Variants in PRKG1 observed in about 807,000 individuals in gnomAD.
The protein encoded by PRKG1 is protein kinase cGMP-dependent 1.
A neutral mutation model predicts 88.1 loss-of-function variants in PRKG1; 35 were observed. The ratio of observed to expected loss-of-function variants is 0.40; its 90% CI spans 0.30 to 0.53. The LOEUF (loss-of-function observed/expected upper bound fraction) is 0.53, where lower values mean the gene tolerates loss of function less well. Among genes scored for constraint, PRKG1 ranks in the 20% least tolerant of loss-of-function variants. The probability of loss-of-function intolerance (pLI) is 0.59; values close to 1 mark genes in which losing one functional copy is unlikely to be tolerated. For synonymous variants in PRKG1, 303 were observed against 292.5 expected (o/e 1.04, Z -0.37); for missense variants, 540 against 839.8 (o/e 0.64, Z 4.41).
At chr10:51,427,386 T>C (rs1398555216) in intron 2 of PRKG1, among the ~76,000 whole-genome samples, 1 of 152,190 alleles carries the variant, frequency 6.6e-6, no homozygotes, top group Admixed American at 6.5e-5. Context: ...AGTTCCAAGG[T>C]GAGTTCTTAC....
At chr10:51,366,860 C>T (rs1842600492) in intron 2 of PRKG1, among the ~76,000 whole-genome samples, 1 of 151,872 alleles carries the variant, frequency 6.6e-6, no homozygotes, top group East Asian at 1.9e-4. Context: ...TTTTTCTAAG[C>T]CTTGTTGTTT....
At chr10:51,695,988 C>G (rs548221591) in intron 3 of PRKG1, 1 of 152,230 alleles carries the variant, frequency 6.6e-6, no homozygotes, top group African/African-American at 2.4e-5. Context: ...TTCACATCCT[C>G]AAGGCTTTAT....
chr10:51,170,605 A>C (rs1291850844), intron 2 of PRKG1, among the ~76,000 whole-genome samples: 1 of 152,002 alleles, frequency 6.6e-6, no homozygotes, highest in Non-Finnish European at 1.5e-5. Context: ...GAGCAGAGAC[A>C]TGAATGAGGT....
chr10:51,579,690 T>C (rs1837981076), intron 3 of PRKG1, among the ~76,000 whole-genome samples: 1 of 152,146 alleles, frequency 6.6e-6, no homozygotes, highest in African/African-American at 2.4e-5. Flanking sequence ...GACTGGCTAT[T>C]GTTAACTACT....
intron 6 of PRKG1, among the ~76,000 whole-genome samples, chr10:52,055,637 C>T (rs540975043): frequency 6.6e-6 from 1 of 151,976 alleles, no homozygotes; most frequent in Non-Finnish European, 1.5e-5. Context: ...TATATGATAA[C>T]CTATGATTTA....
Position 51,199,751 on chromosome 10 carries a change from C to A in PRKG1, c.478+46421C>A, listed in dbSNP as rs572327905. ...CTCATCTCAAGGCAGCCTCCTTTGC[C>A]AGCTCTCTTCTTTCAGGTATTGGTA... is the stretch of plus-strand genomic sequence containing the variant. On this transcript the variant is annotated intron_variant, in intron 2 of 17. Coordinates refer to ENST00000373980, the MANE Select transcript of PRKG1 (RefSeq NM_006258.4). 2.0e-5 allele frequency among the ~76,000 whole-genome samples: 3 copies of A among 152,324 alleles called. No individual in the cohort carries two copies. The East Asian group carries it at 5.8e-4, about 29-fold the overall frequency.
chr10:51,643,501 C>T (rs1039876718), intron 3 of PRKG1, among the ~76,000 whole-genome samples: 5 of 152,250 alleles, frequency 3.3e-5, no homozygotes, highest in Middle Eastern at 6.8e-3. Flanking sequence ...TAATAAAGCT[C>T]TTATACATTG....
chr10:52,240,309 G>T (rs1840826009), intron 9 of PRKG1, among the ~76,000 whole-genome samples: 1 of 151,974 alleles, frequency 6.6e-6, no homozygotes, highest in African/African-American at 2.4e-5. Flanking sequence ...CTAATCATGA[G>T]AAAAACATCA....
At chr10:51,233,327 A>G (rs1838895953) in intron 2 of PRKG1, among the ~76,000 whole-genome samples, 2 of 152,168 alleles carry the variant, frequency 1.3e-5, no homozygotes, top group African/African-American at 4.8e-5. Flanking sequence ...ACCCCATTTT[A>G]CAATATAATC....
At chr10:51,698,074 G>A (rs772286622) in intron 3 of PRKG1, 93 of 1,613,948 alleles carry the variant, frequency 5.8e-5, no homozygotes, top group Non-Finnish European at 7.6e-5. Flanking sequence ...GGACCTGTCT[G>A]GGTCCCTGAG....
intron 7 of PRKG1, among the ~76,000 whole-genome samples, chr10:52,082,209 C>G (rs1040911705): frequency 1.3e-5 from 2 of 152,068 alleles, no homozygotes; most frequent in Admixed American, 1.3e-4. Context: ...GTAACCACCC[C>G]CATGATTAAA....
intron 3 of PRKG1, among the ~76,000 whole-genome samples, chr10:51,645,414 C>T (rs899245294): frequency 1.3e-5 from 2 of 152,092 alleles, no homozygotes; most frequent in African/African-American, 4.8e-5. Context: ...AATAAATAAG[C>T]AATCTTTTGA....
At chr10:51,514,224 T>A (rs527337561) in intron 3 of PRKG1, among the ~76,000 whole-genome samples, 1 of 151,608 alleles carries the variant, frequency 6.6e-6, no homozygotes, top group African/African-American at 2.4e-5. Flanking sequence ...AACACCTCTA[T>A]GCAAATAAAC....
chr10:51,937,184 T>C, intron 5 of PRKG1, among the ~76,000 whole-genome samples: 1 of 152,000 alleles, frequency 6.6e-6, no homozygotes, highest in East Asian at 1.9e-4. Flanking sequence ...GACCACTTCA[T>C]AGGACTTGAT....
At chr10:51,663,702 CAA>C (rs56804341) in intron 3 of PRKG1, among the ~76,000 whole-genome samples, 979 of 72,760 alleles carry the variant, frequency 0.013, 3 homozygotes, top group Middle Eastern at 0.038. Context: ...GACCCTGTCT[CAA>C]AAAAAAAAAA....
intron 2 of PRKG1, among the ~76,000 whole-genome samples, chr10:51,455,285 A>C (rs992246141): frequency 2.0e-5 from 3 of 152,148 alleles, no homozygotes; most frequent in Non-Finnish European, 4.4e-5. Flanking sequence ...TTTTTTCCTC[A>C]TGGGCCTCCA....
chr10:51,564,187 G>A (rs1447275537), intron 3 of PRKG1, among the ~76,000 whole-genome samples: 1 of 151,468 alleles, frequency 6.6e-6, no homozygotes, highest in Non-Finnish European at 1.5e-5. Context: ...ATGTACTAAG[G>A]AGACAGTAAT....
intron 1 of PRKG1, among the ~76,000 whole-genome samples, chr10:51,093,811 C>G (rs887068187): frequency 1.2e-4 from 18 of 147,808 alleles, no homozygotes; most frequent in African/African-American, 2.0e-4. Flanking sequence ...TACACACACA[C>G]ACACACACAC....
chr10:52,056,290 T>A (rs950612890), intron 6 of PRKG1, among the ~76,000 whole-genome samples: 1 of 152,214 alleles, frequency 6.6e-6, no homozygotes, highest in African/African-American at 2.4e-5. Context: ...ATGTAAATTA[T>A]TTGAAAAGTT....
Sources: gnomAD v4.1 joint callset for allele counts (sites outside exome capture counted in the v4.1 genomes callset) on GRCh38, gnomAD v4.1.1 for gene constraint, MANE v1.5 for transcripts, NCBI Gene and HGNC (gene_info 2026-07-23, HGNC 2026-07-21) for gene names.